The following PLA2G4C variants were observed in gnomAD, a reference collection of about 807,000 sequenced individuals.
The protein encoded by PLA2G4C is cytosolic phospholipase A2 gamma.
PLA2G4C carries 64 observed loss-of-function variants against 73.8 expected under a neutral mutation model. The observed-to-expected ratio is 0.87, with a 90% CI of 0.71 to 1.07. The LOEUF is 1.07. Ranked by LOEUF, PLA2G4C falls within the 50% of genes least tolerant of loss-of-function variation. The probability of loss-of-function intolerance (pLI) is 0.00; values close to 1 mark genes in which losing one functional copy is unlikely to be tolerated. For synonymous variants in PLA2G4C, 254 were observed against 252.1 expected (o/e 1.01, Z -0.07); for missense variants, 622 against 665.4 (o/e 0.93, Z 0.72).
chr19:48,074,335 T>G, intron 12 of PLA2G4C: 1 of 169,220 alleles, frequency 5.9e-6, no homozygotes. Flanking sequence ...TCTGGCTGCA[T>G]AGTATTCCAT....
At chr19:48,080,282 A>G (rs1197687906) in intron 10 of PLA2G4C, among the ~76,000 whole-genome samples, 1 of 152,192 alleles carries the variant, frequency 6.6e-6, no homozygotes, top group Admixed American at 6.5e-5. Flanking sequence ...ATGAGATACC[A>G]TCTTACTCCC....
At chr19:48,063,451 G>T (rs374600139) in intron 13 of PLA2G4C, among the ~76,000 whole-genome samples, 47 of 152,276 alleles carry the variant, frequency 3.1e-4, no homozygotes, top group African/African-American at 1.1e-3. Context: ...TTTGCCCTGG[G>T]CAGTTCCCAG....
chr19:48,073,518 A>G (rs1365892352), intron 12 of PLA2G4C, among the ~76,000 whole-genome samples: 1 of 151,742 alleles, frequency 6.6e-6, no homozygotes, highest in Non-Finnish European at 1.5e-5. Context: ...TTATTATTTC[A>G]TGCTAATGAC....
chr19:48,056,430 C>G (rs761793451), intron 14 of PLA2G4C, among the ~76,000 whole-genome samples: 26 of 152,130 alleles, frequency 1.7e-4, no homozygotes, highest in Non-Finnish European at 2.5e-4. Context: ...TGCCTGTAAT[C>G]CCAGCTACTT....
intron 9 of PLA2G4C, among the ~76,000 whole-genome samples, chr19:48,085,826 G>A (rs886940946): frequency 1.3e-5 from 2 of 152,222 alleles, no homozygotes; most frequent in African/African-American, 4.8e-5. Context: ...TGAAAGTCCA[G>A]TCTCTGGGGT....
intron 14 of PLA2G4C, among the ~76,000 whole-genome samples, chr19:48,055,723 C>A (rs1458512876): frequency 1.3e-5 from 2 of 152,058 alleles, no homozygotes; most frequent in Non-Finnish European, 2.9e-5. Flanking sequence ...TCACTGCAAC[C>A]TCCGCCTCCC....
chr19:48,092,561 A>G (rs1341339068), intron 7 of PLA2G4C, among the ~76,000 whole-genome samples: 1 of 151,868 alleles, frequency 6.6e-6, no homozygotes, highest in East Asian at 1.9e-4. Context: ...GTACAATGGA[A>G]TATGATTCAG....
chr19:48,099,409 C>T (rs2031780181), intron 5 of PLA2G4C, among the ~76,000 whole-genome samples: 1 of 152,092 alleles, frequency 6.6e-6, no homozygotes, highest in African/African-American at 2.4e-5. Flanking sequence ...TTCTTCTTGC[C>T]CTGGATGTCT....
intron 2 of PLA2G4C, among the ~76,000 whole-genome samples, chr19:48,105,856 T>A (rs1486128704): frequency 1.3e-5 from 1 of 75,208 alleles, no homozygotes; most frequent in African/African-American, 4.8e-5. Context: ...CCATCCTTCC[T>A]TCCTTCCTCC....
At chr19:48,052,067 G>T (rs1438609024) in intron 16 of PLA2G4C, 1 of 151,836 alleles carries the variant, frequency 6.6e-6, no homozygotes, top group Admixed American at 6.6e-5. Flanking sequence ...TATTTGTAGA[G>T]ACTTGGTCTC....
At position 48,048,310 on chromosome 19, in the gene PLA2G4C, C is replaced by T. The variant is rs1161404759; in HGVS notation, c.*33G>A. ...GGACATCAGGGCCCTAGTAGACCAA[C>T]AGGCCCACAGTGCCCTGGAAGCTGA... On this transcript the variant is annotated 3_prime_UTR_variant, in exon 17 of 17. Coordinates refer to ENST00000599921, the MANE Select transcript of PLA2G4C (RefSeq NM_003706.3). 7 of 1,571,650 alleles carry T rather than the reference C, an allele frequency of 4.5e-6. No individual in the cohort carries two copies. Among genetic ancestry groups the T allele is most frequent in the East Asian group, 4.6e-5 (2 of 43,464 alleles).
At chr19:48,048,889 T>A (rs1967619590) in intron 16 of PLA2G4C, among the ~76,000 whole-genome samples, 1 of 152,212 alleles carries the variant, frequency 6.6e-6, no homozygotes, top group African/African-American at 2.4e-5. Flanking sequence ...GTTTGGATCA[T>A]GGGAGTGGAT....
chr19:48,104,610 C>A lies in PLA2G4C; in HGVS notation c.235G>T (p.Ala79Ser), dbSNP rs138956741. The A allele has an allele frequency of 6.2e-7, 1 of 1,614,014 alleles. No homozygotes were observed. Residue 79 changes from alanine (A) to serine (S), a missense_variant, in exon 4 of 17, where the codon GCA becomes TCA. Transcript: ENST00000599921. Reference protein sequence around the residue: ...QGLLDAVTYLAGVSGSTWAIS... With the variant: ...QGLLDAVTYLSGVSGSTWAIS... The stretch of plus-strand genomic sequence containing the variant: ...TACCAAGTGGATCCAGAGACCCCTG[C>A]GAGGTACGTGACGGCATCCAACAGG...
At position 48,062,001 on chromosome 19, in the gene PLA2G4C, G is replaced by T. The variant is rs750061156; in HGVS notation, c.1254C>A (p.Phe418Leu). 1 of 1,613,742 alleles carries T rather than the reference G, an allele frequency of 6.2e-7. No homozygotes were observed. Among genetic ancestry groups the T allele is most frequent in the Non-Finnish European group, 8.5e-7 (1 of 1,179,894 alleles). Reference protein sequence around the residue: ...LSFDFSAGDPFETIRATTDYC... With the variant: ...LSFDFSAGDPLETIRATTDYC... ...CCCCAAAGCCCTTCTCGATTACCTC[G>T]AAAGGATCTCCGGCACTGAAGTCGA... Residue 418 changes from phenylalanine (F) to leucine (L), a missense_variant, in exon 14 of 17, where the codon TTC (phenylalanine) becomes TTA (leucine). By Grantham distance (22) the Phe-to-Leu change is conservative (BLOSUM62 0). Transcript: ENST00000599921.
chr19:48,089,353 G>T (rs998931055), intron 8 of PLA2G4C, among the ~76,000 whole-genome samples: 9 of 152,026 alleles, frequency 5.9e-5, no homozygotes, highest in African/African-American at 2.2e-4. Flanking sequence ...GGAGGTGGAG[G>T]TTGCAGTGAA....
At chr19:48,091,075 A>C (rs1248821621) in intron 7 of PLA2G4C, among the ~76,000 whole-genome samples, 2 of 152,020 alleles carry the variant, frequency 1.3e-5, no homozygotes, top group Non-Finnish European at 2.9e-5. Flanking sequence ...GGAGTTCAGC[A>C]TGAGGGTGAC....
At chr19:48,098,364 C>G in intron 5 of PLA2G4C, 105 bp from the exon 6 acceptor site, 1 of 1,088,422 alleles carries the variant, frequency 9.2e-7, no homozygotes, top group Non-Finnish European at 1.3e-6. Flanking sequence ...CTCAGTCTGT[C>G]ACCCAGGCTG....
chr19:48,058,679 A>G (rs1005809003), intron 14 of PLA2G4C, among the ~76,000 whole-genome samples: 10 of 151,072 alleles, frequency 6.6e-5, no homozygotes, highest in Admixed American at 5.9e-4. Context: ...TTAGCCGGGC[A>G]TGGTGGCGGG....
In PLA2G4C at chr19:48,053,150, G is replaced by T; in HGVS notation, c.1430-3C>A. On this transcript the variant is annotated splice_region_variant and splice_polypyrimidine_tract_variant and intron_variant, in intron 15 of 16. Coordinates refer to ENST00000599921, the MANE Select transcript of PLA2G4C (RefSeq NM_003706.3). ...GTCACTCCATGCCTCAATATCACCT[G>T]AAGCATAACCAAACCAACAAAGAAA... 1 of 1,576,646 alleles carries T rather than the reference G, an allele frequency of 6.3e-7. No homozygotes were observed. The highest frequency in any genetic ancestry group is 8.7e-7 in the Non-Finnish European group (1 of 1,154,890).
Sources: gnomAD v4.1 joint callset for allele counts (sites outside exome capture counted in the v4.1 genomes callset) on GRCh38, gnomAD v4.1.1 for gene constraint, MANE v1.5 for transcripts, NCBI Gene and HGNC (gene_info 2026-07-23, HGNC 2026-07-21) for gene names.